SLF1: variants seen among roughly 807,000 people sequenced by gnomAD.
SLF1 encodes the protein SMC5-SMC6 complex localization factor protein 1.
In SLF1, 105 loss-of-function variants were observed where a neutral mutation model predicts 123.0. The ratio of observed to expected loss-of-function variants is 0.85; its 90% CI spans 0.73 to 1.00. The LOEUF (loss-of-function observed/expected upper bound fraction) is 1.00. SLF1 is among the 50% of genes least tolerant of loss of function. SLF1 has a pLI of 0.00. For synonymous variants in SLF1, 434 were observed against 406.6 expected, an observed-to-expected ratio of 1.07 and a Z score of -0.81; for missense variants, 1,239 against 1,223.0, an observed-to-expected ratio of 1.01 and a Z score of -0.20.
chr5:94,653,762 T>C (rs903970709), intron 8 of SLF1, among the ~76,000 whole-genome samples: 1 of 152,212 alleles, frequency 6.6e-6, no homozygotes, highest in East Asian at 1.9e-4. Context: ...GTAAATTTTA[T>C]TTTGCTCTTT....
intron 1 of SLF1, among the ~76,000 whole-genome samples, chr5:94,627,524 TAAAAAGTGATTTTTTCC>T (rs1444109183): frequency 9.4e-5 from 14 of 148,892 alleles, no homozygotes; most frequent in South Asian, 2.1e-4. Context: ...AGATTTTTTT[TAAAAAGTGATTTTTTCC>T]AAAAAGTGAT....
intron 14 of SLF1, among the ~76,000 whole-genome samples, chr5:94,675,003 A>G (rs1041154393): frequency 2.6e-5 from 4 of 152,250 alleles, no homozygotes; most frequent in African/African-American, 9.6e-5. Flanking sequence ...CCAAGTCTCC[A>G]CTGCACCACA....
At chr5:94,678,774 A>G (rs1561468060) in intron 14 of SLF1, 34 bp from the exon 15 acceptor site, 1 of 1,539,608 alleles carries the variant, frequency 6.5e-7, no homozygotes, top group South Asian at 1.2e-5. Flanking sequence ...ATATTGTAAT[A>G]TATTTTAGTA....
chr5:94,682,332 T>TC (rs1207516432), intron 15 of SLF1, among the ~76,000 whole-genome samples: 1 of 152,166 alleles, frequency 6.6e-6, no homozygotes, highest in Admixed American at 6.5e-5. Flanking sequence ...CCTCTTTTTT[T>TC]CCCTCATTTC....
Position 94,695,481 on chromosome 5 carries a change from G to C in SLF1, c.*169G>C. 2 of 702,128 alleles carry C rather than the reference G, an allele frequency of 2.8e-6. No individual in the cohort carries two copies. Among genetic ancestry groups the C allele is most frequent in the Non-Finnish European group, 4.2e-6 (2 of 481,816 alleles). The allele number at this position is 702,128 out of a possible 1,614,324, so 43.5% of individuals were successfully genotyped here. ...TTAAAAAAACTTCTACAAAACTCTA[G>C]TATGGGCTTCTGACTTTTTCCAGGG... On this transcript the variant is annotated 3_prime_UTR_variant, in exon 21 of 21. Coordinates refer to ENST00000265140, the MANE Select transcript of SLF1 (RefSeq NM_032290.4).
chr5:94,639,378 G>A (rs1180766252), intron 4 of SLF1, among the ~76,000 whole-genome samples: 1 of 151,770 alleles, frequency 6.6e-6, no homozygotes, highest in Non-Finnish European at 1.5e-5. Flanking sequence ...CTTTTTCCTT[G>A]ACTTCTTTTC....
intron 19 of SLF1, 39 bp from the exon 20 acceptor site, chr5:94,692,035 C>T: frequency 6.2e-7 from 1 of 1,600,230 alleles, no homozygotes; most frequent in African/African-American, 1.3e-5. Context: ...AAAAGTCCTA[C>T]TTCTGCTGTT....
intron 14 of SLF1, among the ~76,000 whole-genome samples, chr5:94,675,997 CCTT>C (rs985514355): frequency 1.6e-4 from 24 of 148,636 alleles, no homozygotes; most frequent in African/African-American, 5.5e-4. Flanking sequence ...GGGCTAACAT[CCTT>C]CTTTCCTGCC....
rs1194688910 is a variant in SLF1 at position 94,696,273 on chromosome 5, C to T, written c.*961C>T. On this transcript the variant is annotated 3_prime_UTR_variant, in exon 21 of 21. Transcript: ENST00000265140. ...GTGGAAAATAAACACTTCCATTTAG[C>T]TTTTATGTAATTCAAGTGATGACCT... is the stretch of plus-strand genomic sequence containing the variant. 6.6e-6 allele frequency: 1 copy of T among 151,664 alleles called. No homozygotes were observed. The highest frequency in any genetic ancestry group is 6.6e-5 in the Admixed American group (1 of 15,166). 9.4% of individuals were successfully genotyped at this position (151,664 alleles called of 1,614,324 possible).
intron 12 of SLF1, among the ~76,000 whole-genome samples, chr5:94,667,957 A>G (rs2152488957): frequency 6.6e-6 from 1 of 152,010 alleles, no homozygotes; most frequent in African/African-American, 2.4e-5. Flanking sequence ...CATGTTTCCC[A>G]GGCTGGTCTC....
chr5:94,671,435 A>G (rs937694626), intron 14 of SLF1, among the ~76,000 whole-genome samples: 2 of 151,658 alleles, frequency 1.3e-5, no homozygotes, highest in African/African-American at 4.8e-5. Context: ...ATATTTGTTT[A>G]TAAGTTGATT....
At chr5:94,646,066 C>T (rs1561436746) in intron 5 of SLF1, among the ~76,000 whole-genome samples, 3 of 152,220 alleles carry the variant, frequency 2.0e-5, no homozygotes, top group East Asian at 1.9e-4. Context: ...GCCTAAGCAA[C>T]GTAGCGAGAC....
chr5:94,655,432 G>C (rs1216215371), intron 9 of SLF1, among the ~76,000 whole-genome samples: 1 of 152,058 alleles, frequency 6.6e-6, no homozygotes, highest in Non-Finnish European at 1.5e-5. Flanking sequence ...TGGGTATTTA[G>C]GGTCTTTTGC....
At chr5:94,672,221 A>G (rs555724685) in intron 14 of SLF1, among the ~76,000 whole-genome samples, 8 of 152,202 alleles carry the variant, frequency 5.3e-5, no homozygotes, top group Admixed American at 2.6e-4. Context: ...TAGTTAGGTA[A>G]TATCTTTTTC....
intron 9 of SLF1, among the ~76,000 whole-genome samples, chr5:94,661,893 T>C (rs1749166649): frequency 6.6e-6 from 1 of 152,134 alleles, no homozygotes; most frequent in South Asian, 2.1e-4. Context: ...GATAATCTTT[T>C]AAATATGCAA....
At chr5:94,686,745 T>C (rs775718045) in intron 16 of SLF1, 27 bp downstream of exon 16, 5 of 1,579,082 alleles carry the variant, frequency 3.2e-6, no homozygotes, top group Admixed American at 1.9e-5. Flanking sequence ...TCTGGTTCTT[T>C]ACATTTTCAA....
chr5:94,687,382 G>A (rs900961330), intron 16 of SLF1, among the ~76,000 whole-genome samples: 1 of 152,138 alleles, frequency 6.6e-6, no homozygotes, highest in Non-Finnish European at 1.5e-5. Flanking sequence ...CAGGGGCAGT[G>A]GGGGGAAGGT....
intron 9 of SLF1, among the ~76,000 whole-genome samples, chr5:94,660,257 C>A (rs928314900): frequency 9.2e-5 from 14 of 152,128 alleles, no homozygotes; most frequent in African/African-American, 3.4e-4. Flanking sequence ...GCATGCAGGT[C>A]TAATCTGTTC....
chr5:94,665,808 C>T (rs1749687095), intron 11 of SLF1, 53 bp from the exon 12 acceptor site: 1 of 1,452,746 alleles, frequency 6.9e-7, no homozygotes, highest in Non-Finnish European at 9.3e-7. Context: ...ATTAGAGAGT[C>T]AAACTACTTT....
Sources: allele counts gnomAD v4.1 joint callset (sites outside exome capture counted in the v4.1 genomes callset), GRCh38; gene constraint gnomAD v4.1.1; transcripts MANE v1.5; gene names NCBI Gene and HGNC (gene_info 2026-07-23, HGNC 2026-07-21).